Variants in PPP2R2C observed in about 807,000 individuals in gnomAD.
The protein encoded by PPP2R2C is protein phosphatase 2, regulatory subunit B, gamma.
In PPP2R2C, 10 loss-of-function variants were observed where a neutral mutation model predicts 45.3. The ratio of observed to expected loss-of-function variants is 0.22; its 90% CI spans 0.14 to 0.37. The LOEUF is 0.37. Among genes scored for constraint, PPP2R2C ranks in the 10% least tolerant of loss-of-function variants. The pLI, the probability that PPP2R2C is intolerant of heterozygous loss-of-function variation, is 1.00. For missense variants in PPP2R2C, 308 were observed against 619.7 expected, an observed-to-expected ratio of 0.50 and a Z score of 5.34; for synonymous variants, 257 against 245.4, an observed-to-expected ratio of 1.05 and a Z score of -0.44.
chr4:6,403,374 C>G (rs1316826980), intron 1 of PPP2R2C, among the ~76,000 whole-genome samples: 1 of 152,132 alleles, frequency 6.6e-6, no homozygotes, highest in African/African-American at 2.4e-5. Context: ...CGCTTCCTGC[C>G]CCCTAGGTGT....
intron 2 of PPP2R2C, among the ~76,000 whole-genome samples, chr4:6,489,058 G>T (rs904713921): frequency 2.6e-5 from 4 of 152,122 alleles, no homozygotes; most frequent in Non-Finnish European, 5.9e-5. Context: ...GTCTGCCTGT[G>T]AAATCCAGCC....
intron 5 of PPP2R2C, among the ~76,000 whole-genome samples, chr4:6,366,323 T>C (rs998914250): frequency 5.3e-5 from 8 of 152,206 alleles, no homozygotes; most frequent in African/African-American, 1.9e-4. Context: ...TCTCCTGCAC[T>C]TTAGGGTCTG....
intron 5 of PPP2R2C, among the ~76,000 whole-genome samples, chr4:6,370,455 G>A (rs1159289575): frequency 1.3e-5 from 2 of 152,190 alleles, no homozygotes; most frequent in African/African-American, 4.8e-5. Context: ...CAGGGGTTGG[G>A]GGCGGAGCTG....
intron 5 of PPP2R2C, among the ~76,000 whole-genome samples, chr4:6,354,235 C>T (rs956511300): frequency 2.6e-5 from 4 of 151,782 alleles, no homozygotes; most frequent in Admixed American, 6.6e-5. Flanking sequence ...CCCACCCCAC[C>T]GAGGAGGTCG....
intron 5 of PPP2R2C, among the ~76,000 whole-genome samples, chr4:6,367,331 G>A (rs1714412602): frequency 1.3e-5 from 2 of 152,152 alleles, no homozygotes. Context: ...AAAACCTCCA[G>A]TGGGCACGGA....
intron 2 of PPP2R2C, among the ~76,000 whole-genome samples, chr4:6,508,830 A>G (rs978327436): frequency 1.3e-5 from 2 of 152,196 alleles, no homozygotes; most frequent in Non-Finnish European, 2.9e-5. Flanking sequence ...CTGGCAGGCC[A>G]CTGCGCATAT....
intron 1 of PPP2R2C, among the ~76,000 whole-genome samples, chr4:6,555,836 G>A (rs1168321678): frequency 1.3e-5 from 2 of 152,206 alleles, no homozygotes; most frequent in African/African-American, 4.8e-5. Context: ...GGTCTCCTCG[G>A]GTAATGCTGC....
At chr4:6,437,761 C>A (rs1245192281) in intron 1 of PPP2R2C, among the ~76,000 whole-genome samples, 1 of 152,216 alleles carries the variant, frequency 6.6e-6, no homozygotes, top group East Asian at 1.9e-4. Flanking sequence ...GAAAAGAAAT[C>A]TTTGTCCCCA....
intron 5 of PPP2R2C, among the ~76,000 whole-genome samples, chr4:6,362,834 C>A (rs1031693747): frequency 6.6e-6 from 1 of 152,188 alleles, no homozygotes; most frequent in Non-Finnish European, 1.5e-5. Flanking sequence ...GTTCTGCATC[C>A]AGACAGCTTA....
chr4:6,423,091 C>T (rs550921322), intron 1 of PPP2R2C, among the ~76,000 whole-genome samples: 15 of 152,320 alleles, frequency 9.8e-5, no homozygotes, highest in Non-Finnish European at 2.1e-4. Context: ...GAAGGGGCTG[C>T]AATACACTCA....
intron 2 of PPP2R2C, among the ~76,000 whole-genome samples, chr4:6,510,988 AAC>A (rs1288456682): frequency 2.4e-5 from 2 of 83,438 alleles, no homozygotes; most frequent in Admixed American, 1.0e-4. Flanking sequence ...AACAAAAAAA[AAC>A]AAACAAACAA....
rs544097839 is a variant in PPP2R2C, at chr4:6,332,069, G to A, written c.960+1493C>T. 6.6e-6 allele frequency among the ~76,000 whole-genome samples: 1 copy of A among 152,192 alleles called. No homozygotes were observed. The highest frequency in any genetic ancestry group is 2.4e-5 in the African/African-American group (1 of 41,432). On this transcript the variant is annotated intron_variant, in intron 7 of 8. Transcript: ENST00000382599. This position sits in a 1 kb window ranked among gnomAD's most constrained non-coding sequence, Gnocchi z 4.9. ...CCCTCCTTCGTGGGGTCCTTCATGA[G>A]AATTTCAGAAAGCTGTGTCCCCCTC...
intron 1 of PPP2R2C, chr4:6,420,823 G>A: frequency 1.8e-6 from 1 of 564,588 alleles, no homozygotes; most frequent in South Asian, 7.7e-5. Context: ...GACATGGAAT[G>A]ACGGCTGGGA....
At chr4:6,523,570 G>A (rs1046158418) in intron 2 of PPP2R2C, 2 of 152,208 alleles carry the variant, frequency 1.3e-5, no homozygotes, top group African/African-American at 2.4e-5. Context: ...AATGCAAAGC[G>A]AGTGTTGGCT....
chr4:6,339,905 C>T (rs940604484), intron 6 of PPP2R2C, among the ~76,000 whole-genome samples: 3 of 152,176 alleles, frequency 2.0e-5, no homozygotes, highest in Non-Finnish European at 2.9e-5. Flanking sequence ...TTGGAGGGTC[C>T]GAGAAGCAGA....
Position 6,388,491 on chromosome 4 carries a change from G to A in PPP2R2C, c.71-7397C>T, listed in dbSNP as rs557082168. On this transcript the variant is annotated intron_variant, in intron 1 of 8. Coordinates refer to ENST00000382599, the MANE Select transcript of PPP2R2C (RefSeq NM_020416.4). ...AGGTGCGGTCATACTGGATTATGGTGGGCCCTAGATCTAAGGACTGGTATC... is the reference window on the plus strand; with the variant it reads ...AGGTGCGGTCATACTGGATTATGGTAGGCCCTAGATCTAAGGACTGGTATC... Among the ~76,000 whole-genome samples the A allele has an allele frequency of 3.9e-5, 6 of 152,186 alleles. No individual in the cohort carries two copies. In the South Asian group the frequency reaches 1.2e-3, roughly 32 times the overall value.
chr4:6,441,232 T>C (rs1720135385), intron 1 of PPP2R2C, among the ~76,000 whole-genome samples: 1 of 152,078 alleles, frequency 6.6e-6, no homozygotes, highest in Non-Finnish European at 1.5e-5. Context: ...AACACTAAAG[T>C]GATTAGGGAA....
chr4:6,430,872 C>G (rs1365236902), intron 1 of PPP2R2C, among the ~76,000 whole-genome samples: 1 of 152,020 alleles, frequency 6.6e-6, no homozygotes, highest in African/African-American at 2.4e-5. Flanking sequence ...TTGCAGTGAG[C>G]CAAGATCGCA....
intron 1 of PPP2R2C, among the ~76,000 whole-genome samples, chr4:6,562,199 G>C (rs773372292): frequency 1.3e-5 from 2 of 152,080 alleles, no homozygotes; most frequent in Non-Finnish European, 2.9e-5. Flanking sequence ...GGCAGCTGCA[G>C]CAGATTGTGG....
Sources: allele counts gnomAD v4.1 joint callset (sites outside exome capture counted in the v4.1 genomes callset), GRCh38; gene constraint gnomAD v4.1.1; non-coding constraint Gnocchi (gnomAD v3.1); transcripts MANE v1.5; gene names NCBI Gene and HGNC (gene_info 2026-07-23, HGNC 2026-07-21).